VPS13A: variants seen among roughly 807,000 people sequenced by gnomAD.
VPS13A encodes intermembrane lipid transfer protein VPS13A.
Under a neutral mutation model 390.9 loss-of-function variants are expected in VPS13A, and 264 were observed. The observed-to-expected ratio is 0.68, with a 90% CI of 0.61 to 0.75. The LOEUF (loss-of-function observed/expected upper bound fraction) is 0.75. VPS13A is among the 30% of genes least tolerant of loss of function. The pLI is 0.00. For missense variants in VPS13A, 3,409 were observed against 3,733.9 expected (o/e 0.91, Z 2.27); for synonymous variants, 1,231 against 1,227.1 (o/e 1.00, Z -0.07).
chr9:77,240,796 A>G (rs1824444311), intron 19 of VPS13A, among the ~76,000 whole-genome samples: 1 of 152,030 alleles, frequency 6.6e-6, no homozygotes, highest in South Asian at 2.1e-4. Flanking sequence ...ACATGATACT[A>G]CTGTATGTAG....
At chr9:77,248,031 T>A (rs1824925797) in intron 20 of VPS13A, among the ~76,000 whole-genome samples, 1 of 152,164 alleles carries the variant, frequency 6.6e-6, no homozygotes, top group African/African-American at 2.4e-5. Flanking sequence ...AATTTAGACC[T>A]ATTACTTGAT....
chr9:77,260,601 C>A (rs575617841), intron 23 of VPS13A, among the ~76,000 whole-genome samples: 1 of 151,888 alleles, frequency 6.6e-6, no homozygotes, highest in South Asian at 2.1e-4. Context: ...GTGATCTGCC[C>A]GCCTCGGCCT....
chr9:77,366,768 T>C lies in VPS13A; in HGVS notation c.8367T>C (p.Ala2789=). 6.2e-7 allele frequency: 1 copy of C among 1,613,270 alleles called. No homozygotes were observed. The highest frequency in any genetic ancestry group is 2.2e-5 in the East Asian group (1 of 44,772). Residue 2789 remains alanine (A), a synonymous_variant, in exon 61 of 72, where the codon GCT becomes GCC. Coordinates refer to ENST00000360280, the MANE Select transcript of VPS13A (RefSeq NM_033305.3). ...CACTGAGTTCCGGCAGAGAAGAAGC[T>C]AAAGATTCAAAACAAAATGGAGGAC... The part of the protein sequence containing the change: ...SVSLSSGREE[A]KDSKQNGGLI...
Position 77,252,062 on chromosome 9 carries a change from G to C in VPS13A, c.2171-173G>C, listed in dbSNP as rs138954853. On this transcript the variant is annotated intron_variant, in intron 21 of 71. Transcript: ENST00000360280. ...TGGTGTAGTGATTGTCAGTGGATGCGCAGTAGATTTGATAACCTACTGATT... is the reference window on the plus strand; with the variant it reads ...TGGTGTAGTGATTGTCAGTGGATGCCCAGTAGATTTGATAACCTACTGATT... 3.0e-3 allele frequency among the ~76,000 whole-genome samples: 456 copies of C among 152,206 alleles called. 2 individuals are homozygous for C. The highest frequency in any genetic ancestry group is 0.014 in the Middle Eastern group (4 of 294).
intron 22 of VPS13A, among the ~76,000 whole-genome samples, 178 bp downstream of exon 22, chr9:77,252,530 A>T (rs1360639522): frequency 8.5e-5 from 13 of 152,176 alleles, no homozygotes. Flanking sequence ...TTAAGAGTAT[A>T]GTTCATTGTC....
chr9:77,343,944 T>A (rs1230551836), intron 50 of VPS13A, among the ~76,000 whole-genome samples: 1 of 152,196 alleles, frequency 6.6e-6, no homozygotes, highest in Non-Finnish European at 1.5e-5. Context: ...CAATTTGCTA[T>A]CCACTGCTTC....
At chr9:77,188,720 T>C (rs1290376613) in intron 1 of VPS13A, among the ~76,000 whole-genome samples, 2 of 152,242 alleles carry the variant, frequency 1.3e-5, no homozygotes, top group African/African-American at 4.8e-5. Flanking sequence ...CCAAAGTGGC[T>C]GAACTAATTT....
Position 77,225,940 on chromosome 9 carries a change from C to A in VPS13A, c.1176C>A (p.Thr392=). The stretch of plus-strand genomic sequence containing the variant: ...ATATTTTTCAGGAGTTGGAAAAAAC[C>A]TTGGATGTCTTTAATATAACTATAG... ...LLVSLEELEK[T]LDVFNITIAR... The change falls in exon 14 of 72, where the codon ACC becomes ACA. Residue 392 remains threonine, a synonymous_variant. Transcript: ENST00000360280. 6.2e-7 allele frequency: 1 copy of A among 1,611,478 alleles called. No homozygotes were observed. The highest frequency in any genetic ancestry group is 1.1e-5 in the South Asian group (1 of 90,786).
At chr9:77,371,601 G>C (rs1218666479) in intron 67 of VPS13A, among the ~76,000 whole-genome samples, 1 of 151,846 alleles carries the variant, frequency 6.6e-6, no homozygotes, top group East Asian at 1.9e-4. Context: ...AACCATAGCA[G>C]TTACCAGCAC....
intron 13 of VPS13A, among the ~76,000 whole-genome samples, chr9:77,221,839 C>T (rs72742587): frequency 0.054 from 8,282 of 152,162 alleles, 331 homozygotes; most frequent in South Asian, 0.12. Flanking sequence ...CTCAATTCTA[C>T]TCATCCCTGA....
chr9:77,257,199 G>A (rs890082934), intron 22 of VPS13A, among the ~76,000 whole-genome samples: 2 of 151,872 alleles, frequency 1.3e-5, no homozygotes, highest in Non-Finnish European at 2.9e-5. Flanking sequence ...TAGAGATTGT[G>A]TATAATATCC....
chr9:77,187,742 C>T (rs1294500077), intron 1 of VPS13A, among the ~76,000 whole-genome samples: 2 of 151,898 alleles, frequency 1.3e-5, no homozygotes, highest in African/African-American at 2.4e-5. Context: ...TCATGGGGTA[C>T]ATGTGTGGGT....
In VPS13A at chr9:77,403,311, A is replaced by G; in HGVS notation, c.9265A>G (p.Ile3089Val). ...GATCAATAAGACAGATATGCTAATGATAACCAGACGGTAACTTGCTTTCTT... is the reference window on the plus strand; with the variant it reads ...GATCAATAAGACAGATATGCTAATGGTAACCAGACGGTAACTTGCTTTCTT... ...VMINKTDMLM[I>V]TRRGVLFVTK... Residue 3089 changes from isoleucine to valine, a missense_variant, in exon 69 of 72, where the codon ATA (isoleucine) becomes GTA (valine). By Grantham distance (29) the Ile-to-Val change is conservative. Coordinates refer to ENST00000360280, the MANE Select transcript of VPS13A (RefSeq NM_033305.3). The G allele has an allele frequency of 1.2e-6, 2 of 1,611,328 alleles. No homozygotes were observed. The highest frequency in any genetic ancestry group is 1.7e-6 in the Non-Finnish European group (2 of 1,179,284).
intron 2 of VPS13A, among the ~76,000 whole-genome samples, chr9:77,201,012 A>G (rs1476347448): frequency 6.6e-6 from 1 of 152,156 alleles, no homozygotes; most frequent in Non-Finnish European, 1.5e-5. Context: ...CGTATTTTGC[A>G]AAATAGAGTT....
intron 2 of VPS13A, among the ~76,000 whole-genome samples, chr9:77,200,859 G>A (rs1589987242): frequency 6.6e-6 from 1 of 152,252 alleles, no homozygotes; most frequent in East Asian, 1.9e-4. Context: ...GATCCATTTT[G>A]AGGTAATTTT....
At chr9:77,312,701 C>T (rs1829159694) in intron 35 of VPS13A, among the ~76,000 whole-genome samples, 1 of 152,148 alleles carries the variant, frequency 6.6e-6, no homozygotes, top group South Asian at 2.1e-4. Context: ...AGGTGTGAGC[C>T]ACCATGCCCA....
At chr9:77,311,769 C>A (rs934163542) in intron 35 of VPS13A, among the ~76,000 whole-genome samples, 2 of 152,086 alleles carry the variant, frequency 1.3e-5, no homozygotes, top group Non-Finnish European at 2.9e-5. Context: ...TTGCAGAATA[C>A]CTTTTTGTTT....
In VPS13A at chr9:77,303,093, G is replaced by A. The variant is rs185170279; in HGVS notation, c.3960+31G>A. The A allele has an allele frequency of 4.7e-3, 7,545 of 1,612,986 alleles. 23 individuals carry two copies. The highest frequency in any genetic ancestry group is 5.8e-3 in the Non-Finnish European group (6,790 of 1,179,402). Reference sequence around the variant, plus strand: ...TTTTTTTGGATACTTATCAATTTTTGTTTTGCTTGTTGAAAAATACTGCTT... The same window carrying A: ...TTTTTTTGGATACTTATCAATTTTTATTTTGCTTGTTGAAAAATACTGCTT... On this transcript the variant is annotated intron_variant, in intron 34 of 71. Coordinates refer to ENST00000360280, the MANE Select transcript of VPS13A (RefSeq NM_033305.3).
At chr9:77,301,011 G>A in intron 33 of VPS13A, among the ~76,000 whole-genome samples, 1 of 152,212 alleles carries the variant, frequency 6.6e-6, no homozygotes, top group East Asian at 1.9e-4. Flanking sequence ...TATATTAAAT[G>A]CAGTGATGGA....
Sources: gnomAD v4.1 joint callset for allele counts (sites outside exome capture counted in the v4.1 genomes callset) on GRCh38, gnomAD v4.1.1 for gene constraint, MANE v1.5 for transcripts, NCBI Gene and HGNC (gene_info 2026-07-23, HGNC 2026-07-21) for gene names.